Variants in GAA observed in about 807,000 individuals in gnomAD.
GAA encodes alpha glucosidase.
Under a neutral mutation model 103.9 loss-of-function variants are expected in GAA, and 88 were observed. The observed-to-expected ratio is 0.85, with a 90% CI of 0.71 to 1.01. The LOEUF is 1.01. Ranked by LOEUF, GAA falls within the 50% of genes least tolerant of loss-of-function variation. The probability of loss-of-function intolerance (pLI) is 0.00; values close to 1 mark genes in which losing one functional copy is unlikely to be tolerated. For missense variants in GAA, 1,350 were observed against 1,305.3 expected, an observed-to-expected ratio of 1.03 and a Z score of -0.53; for synonymous variants, 572 against 563.1, an observed-to-expected ratio of 1.02 and a Z score of -0.22.
intron 15 of GAA, 77 bp from the exon 16 acceptor site, chr17:80,116,891 G>A (rs2039362239): frequency 6.5e-7 from 1 of 1,542,520 alleles, no homozygotes; most frequent in Admixed American, 1.7e-5. Context: ...CTCTTCCTGT[G>A]CCTCCCCAGG....
rs533499306 is a variant in GAA at position 80,111,145 on chromosome 17, G to C, written c.1636+120G>C. Reference sequence around the variant, plus strand: ...GATGGGCCAGCGGGGAAAGGGGCGGGGGGGGGATCCCCAGGAGAAAGGCTC... The same window carrying C: ...GATGGGCCAGCGGGGAAAGGGGCGGCGGGGGGATCCCCAGGAGAAAGGCTC... On this transcript the variant is annotated intron_variant, in intron 11 of 19. Transcript: ENST00000302262. The C allele has an allele frequency of 8.1e-5, 76 of 943,894 alleles. 1 individual carries two copies. The highest frequency in any genetic ancestry group is 3.7e-4 in the African/African-American group (23 of 61,832). 58.5% of individuals were successfully genotyped at this position (943,894 alleles called of 1,614,324 possible).
chr17:80,112,795 A>T, intron 13 of GAA, 81 bp from the exon 14 acceptor site: 1 of 1,576,618 alleles, frequency 6.3e-7, no homozygotes, highest in Admixed American at 1.8e-5. Context: ...CCACCCACTT[A>T]GCAGGTGGGG....
At chr17:80,118,570 C>T in intron 18 of GAA, 83 bp from the exon 19 acceptor site, 2 of 1,523,480 alleles carry the variant, frequency 1.3e-6, no homozygotes, top group Non-Finnish European at 1.8e-6. Flanking sequence ...TCATGAGTCC[C>T]TGTTCTCATG....
At chr17:80,105,212 G>T in intron 2 of GAA, 80 bp downstream of exon 2, 1 of 1,378,240 alleles carries the variant, frequency 7.3e-7, no homozygotes, top group South Asian at 1.3e-5. Flanking sequence ...TCACAAGGGT[G>T]GGGTGCATGT....
rs1009231476 is a variant in GAA, at chr17:80,109,909, G to A, written c.1327-36G>A. 6.4e-6 allele frequency: 10 copies of A among 1,552,126 alleles called. No homozygotes were observed. The Admixed American group carries it at 1.5e-4, about 23-fold the overall frequency. On this transcript the variant is annotated intron_variant, in intron 8 of 19. Coordinates refer to ENST00000302262, the MANE Select transcript of GAA (RefSeq NM_000152.5). ...CCCCGTGGCTGGCGCCAGGGCTCTGGGCCACCCTCACCTTGACAGGTTTCC... is the reference window on the plus strand; with the variant it reads ...CCCCGTGGCTGGCGCCAGGGCTCTGAGCCACCCTCACCTTGACAGGTTTCC...
chr17:80,112,845 C>T (rs772836187), intron 13 of GAA, 31 bp from the exon 14 acceptor site: 2 of 1,598,840 alleles, frequency 1.3e-6, no homozygotes, highest in Admixed American at 1.7e-5. Context: ...GCTGCAGCAG[C>T]CTGAGGACCA....
Position 80,105,084 on chromosome 17 carries a change from C to T in GAA, c.498C>T (p.Thr166=). The part of the protein sequence containing the change: ...TPTFFPKDIL[T]LRLDVMMETE... The stretch of plus-strand genomic sequence containing the variant: ...CCTTCTTCCCCAAGGACATCCTGAC[C>T]CTGCGGCTGGACGTGATGATGGAGA... The change falls in exon 2 of 20, where the codon ACC becomes ACT. Residue 166 remains threonine (T), a synonymous_variant. Transcript: ENST00000302262. 6.2e-7 allele frequency: 1 copy of T among 1,612,428 alleles called. No individual in the cohort carries two copies. Among genetic ancestry groups the T allele is most frequent in the Non-Finnish European group, 8.5e-7 (1 of 1,179,960 alleles).
At position 80,118,204 on chromosome 17, in the gene GAA, C is replaced by CA. The variant is rs752507884; in HGVS notation, c.2494dup (p.Thr832AsnfsTer52). On this transcript the variant is annotated frameshift_variant, in exon 18 of 20. Transcript: ENST00000302262. LOFTEE classifies it high-confidence loss of function. ...CCTTCCCTTTCCAGGGCCCTGGCCT[C>CA]ACAACCACAGAGTCCCGCCAGCAGC... The CA allele has an allele frequency of 6.2e-7, 1 of 1,613,058 alleles. No homozygotes were observed. Among genetic ancestry groups the CA allele is most frequent in the Non-Finnish European group, 8.5e-7 (1 of 1,179,834 alleles).
intron 1 of GAA, among the ~76,000 whole-genome samples, chr17:80,103,083 G>T (rs1057214472): frequency 1.3e-5 from 2 of 152,220 alleles, no homozygotes; most frequent in Admixed American, 6.5e-5. Flanking sequence ...ACGTCCGGCC[G>T]GGGGCAGAGC....
intron 2 of GAA, 63 bp downstream of exon 2, chr17:80,105,195 A>G: frequency 1.4e-6 from 2 of 1,459,216 alleles, no homozygotes; most frequent in Non-Finnish European, 9.3e-7. Flanking sequence ...ATCGACACCC[A>G]CGCACCTCAC....
At chr17:80,105,668 T>G in intron 2 of GAA, 81 bp from the exon 3 acceptor site, 1 of 1,531,624 alleles carries the variant, frequency 6.5e-7, no homozygotes, top group East Asian at 2.2e-5. Flanking sequence ...CACCAGGACC[T>G]GACCTGTCCT....
chr17:80,107,919 C>A, intron 5 of GAA, 23 bp downstream of exon 5: 1 of 1,578,220 alleles, frequency 6.3e-7, no homozygotes, highest in Non-Finnish European at 8.6e-7. Flanking sequence ...CCGCCCAGCG[C>A]CCGGGCCGGG....
rs373307393 is a variant in GAA at position 80,104,895 on chromosome 17, C to G, written c.309C>G (p.Cys103Trp). The G allele has an allele frequency of 6.2e-7, 1 of 1,612,546 alleles. No individual in the cohort carries two copies. Among genetic ancestry groups the G allele is most frequent in the South Asian group, 1.1e-5 (1 of 91,032 alleles). Residue 103 changes from cysteine to tryptophan, a missense_variant, in exon 2 of 20, where the codon TGC becomes TGG. By Grantham distance (215) the Cys-to-Trp change is radical. Coordinates refer to ENST00000302262, the MANE Select transcript of GAA (RefSeq NM_000152.5). This position sits in a 1 kb window ranked among gnomAD's most constrained non-coding sequence, Gnocchi z 4.0. Reference protein sequence around the residue: ...APDKAITQEQCEARGCCYIPA... With the variant: ...APDKAITQEQWEARGCCYIPA... Reference sequence around the variant, plus strand: ...ACAAGGCCATCACCCAGGAACAGTGCGAGGCCCGCGGCTGTTGCTACATCC... The same window carrying G: ...ACAAGGCCATCACCCAGGAACAGTGGGAGGCCCGCGGCTGTTGCTACATCC...
chr17:80,111,894 C>T, intron 11 of GAA, 89 bp from the exon 12 acceptor site: 1 of 1,108,526 alleles, frequency 9.0e-7, no homozygotes, highest in South Asian at 1.3e-5. Flanking sequence ...GCGACCTGCA[C>T]AGGGGCTCCT....
At chr17:80,110,441 C>T (rs1346810107) in intron 9 of GAA, among the ~76,000 whole-genome samples, 2 of 152,324 alleles carry the variant, frequency 1.3e-5, no homozygotes, top group African/African-American at 2.4e-5. Flanking sequence ...GGGCCGTCTC[C>T]GCTGCCCTTC....
chr17:80,119,492 G>A lies in GAA; in HGVS notation c.*161G>A. 1.4e-6 allele frequency: 1 copy of A among 694,332 alleles called. No individual in the cohort carries two copies. Among genetic ancestry groups the A allele is most frequent in the Non-Finnish European group, 2.6e-6 (1 of 384,078 alleles). The allele number at this position is 694,332 out of a possible 1,614,324, so 43.0% of individuals were successfully genotyped here. A position where few individuals can be genotyped will look rare whatever the true frequency, so the allele number is the denominator to read the frequency against. ...GCCGCATCGCTTGTTTCCACCTCCTGGGCCGGGGCTCTGGCCCCCAACGTG... is the reference window on the plus strand; with the variant it reads ...GCCGCATCGCTTGTTTCCACCTCCTAGGCCGGGGCTCTGGCCCCCAACGTG... On this transcript the variant is annotated 3_prime_UTR_variant, in exon 20 of 20. Transcript: ENST00000302262.
chr17:80,114,710 T>A (rs572323505), intron 15 of GAA, among the ~76,000 whole-genome samples: 1 of 152,244 alleles, frequency 6.6e-6, no homozygotes, highest in Non-Finnish European at 1.5e-5. Flanking sequence ...TTATATTTAC[T>A]GATGTAGTTA....
rs767977395 is a variant in GAA at position 80,112,672 on chromosome 17, G to A, written c.1849G>A (p.Val617Met). 37 of 1,611,740 alleles carry A rather than the reference G, an allele frequency of 2.3e-5. No individual in the cohort carries two copies. The highest frequency in any genetic ancestry group is 2.8e-5 in the Non-Finnish European group (33 of 1,179,582). Residue 617 changes from valine (V) to methionine (M), a missense_variant, in exon 13 of 20, where the codon GTG (valine) becomes ATG (methionine). Coordinates refer to ENST00000302262, the MANE Select transcript of GAA (RefSeq NM_000152.5). ...GRYAGHWTGD[V>M]WSSWEQLASS... The stretch of plus-strand genomic sequence containing the variant: ...ATACGCCGGCCACTGGACGGGGGAC[G>A]TGTGGAGCTCCTGGGAGCAGCTCGC...
At position 80,119,600 on chromosome 17, in the gene GAA, C is replaced by T. The variant is rs2039439141; in HGVS notation, c.*269C>T. On this transcript the variant is annotated 3_prime_UTR_variant, in exon 20 of 20. Coordinates refer to ENST00000302262, the MANE Select transcript of GAA (RefSeq NM_000152.5). The stretch of plus-strand genomic sequence containing the variant: ...TGTGTTAATAAGATTGTAAGGTTTG[C>T]CCTCCTCACCTGTTGCCGGCATGCG... The T allele has an allele frequency of 2.1e-6, 1 of 470,946 alleles. No individual in the cohort carries two copies. The highest frequency in any genetic ancestry group is 3.9e-6 in the Non-Finnish European group (1 of 254,074). 29.2% of individuals were successfully genotyped at this position (470,946 alleles called of 1,614,324 possible).
Sources: gnomAD v4.1 joint callset for allele counts (sites outside exome capture counted in the v4.1 genomes callset) on GRCh38, gnomAD v4.1.1 for gene constraint, Gnocchi (gnomAD v3.1) non-coding constraint, MANE v1.5 for transcripts, NCBI Gene and HGNC (gene_info 2026-07-23, HGNC 2026-07-21) for gene names.